Variants in RABL6 observed in about 807,000 individuals in gnomAD.
RABL6 encodes the protein RAB, member RAS oncogene family like 6.
In RABL6, 28 loss-of-function variants were observed where a neutral mutation model predicts 72.9. The observed-to-expected ratio is 0.38, with a 90% CI of 0.28 to 0.53. The LOEUF (loss-of-function observed/expected upper bound fraction) is 0.53. Ranked by LOEUF, RABL6 falls within the 20% of genes least tolerant of loss-of-function variation. RABL6 has a pLI of 0.80. For synonymous variants in RABL6, 477 were observed against 421.2 expected (o/e 1.13, Z -1.62); for missense variants, 1,029 against 1,008.4 (o/e 1.02, Z -0.28).
intron 6 of RABL6, 122 bp from the exon 7 acceptor site, chr9:136,832,143 T>G: frequency 1.0e-6 from 1 of 1,001,108 alleles, no homozygotes; most frequent in Non-Finnish European, 1.5e-6. Flanking sequence ...CAGGGTCCTG[T>G]GGCCTCAGGA....
chr9:136,831,941 G>A, intron 6 of RABL6, 80 bp downstream of exon 6: 1 of 1,501,520 alleles, frequency 6.7e-7, no homozygotes, highest in Non-Finnish European at 8.9e-7. Context: ...CAGAGGCCCA[G>A]GGAGGGGTTA....
Position 136,839,054 on chromosome 9 carries a change from G to A in RABL6, c.1426G>A (p.Glu476Lys), listed in dbSNP as rs769589516. ...CACTCTTTCGAGTGAGGAGGAAGCAGAAGTGGCAGCTCCCACAAAAGGCCC... is the reference window on the plus strand; with the variant it reads ...CACTCTTTCGAGTGAGGAGGAAGCAAAAGTGGCAGCTCCCACAAAAGGCCC... ...DITLSSEEEA[E>K]VAAPTKGPAP... The change falls in exon 11 of 15, where the codon GAA becomes AAA. Residue 476 changes from glutamate to lysine, a missense_variant. This residue lies in a region of RABL6 where 595 missense variants were observed against 472.4 expected (regional missense o/e 1.26). Transcript: ENST00000311502. 3 of 1,612,386 alleles carry A rather than the reference G, an allele frequency of 1.9e-6. No homozygotes were observed. The East Asian group carries it at 6.7e-5, about 36-fold the overall frequency.
chr9:136,839,998 T>C (rs1848659638), intron 13 of RABL6, 133 bp downstream of exon 13: 3 of 1,463,586 alleles, frequency 2.0e-6, no homozygotes, highest in South Asian at 1.2e-5. Context: ...GGCAGCCCCC[T>C]GCAGGAGCTG....
At chr9:136,825,911 A>C in intron 3 of RABL6, 85 bp downstream of exon 3, 1 of 1,473,274 alleles carries the variant, frequency 6.8e-7, no homozygotes. Flanking sequence ...CCCGGCGCCC[A>C]TGCATCACCC....
intron 1 of RABL6, among the ~76,000 whole-genome samples, chr9:136,818,392 A>AG (rs1848168318): frequency 3.2e-5 from 1 of 31,000 alleles, no homozygotes; most frequent in Non-Finnish European, 6.5e-5. Flanking sequence ...AAAAAAAAAA[A>AG]AAAAAAAAAA....
At chr9:136,823,337 G>A (rs1029659761) in intron 1 of RABL6, among the ~76,000 whole-genome samples, 188 bp from the exon 2 acceptor site, 3 of 152,148 alleles carry the variant, frequency 2.0e-5, no homozygotes, top group East Asian at 3.9e-4. Flanking sequence ...GTGTCCTCCT[G>A]ATGGGAGAGG....
intron 1 of RABL6, chr9:136,815,469 G>T: frequency 3.7e-6 from 1 of 269,812 alleles, no homozygotes. Flanking sequence ...TCCTCCTTCT[G>T]CCTCCTTTGG....
chr9:136,808,644 T>G, intron 1 of RABL6: 1 of 157,688 alleles, frequency 6.3e-6, no homozygotes, highest in Non-Finnish European at 1.4e-5. Flanking sequence ...CCGGGGGTGA[T>G]TACATAATGC....
chr9:136,821,212 C>T (rs1848229043), intron 1 of RABL6: 2 of 607,198 alleles, frequency 3.3e-6, no homozygotes, highest in African/African-American at 2.0e-5. Flanking sequence ...GGTTCTGTCC[C>T]GTAGGGTTGA....
intron 1 of RABL6, among the ~76,000 whole-genome samples, chr9:136,818,760 GAAAA>G (rs1233342927): frequency 6.6e-6 from 1 of 151,362 alleles, no homozygotes; most frequent in African/African-American, 2.4e-5. Flanking sequence ...AAAAAGGAAA[GAAAA>G]GGAATAAGCG....
chr9:136,841,071 G>T lies in RABL6; in HGVS notation c.*549G>T, dbSNP rs1398276519. 2 of 1,412,346 alleles carry T rather than the reference G, an allele frequency of 1.4e-6. No individual in the cohort carries two copies. Among genetic ancestry groups the T allele is most frequent in the Non-Finnish European group, 1.8e-6 (2 of 1,084,864 alleles). The allele number at this position is 1,412,346 out of a possible 1,614,324, so 87.5% of individuals were successfully genotyped here. On this transcript the variant is annotated 3_prime_UTR_variant, in exon 15 of 15. Coordinates refer to ENST00000311502, the MANE Select transcript of RABL6 (RefSeq NM_024718.5). ...GAGGCCTCTCCTGGGAGTGGGGGTT[G>T]TGTTTCCCACAGTGGCCTCAGCTGC...
At position 136,840,847 on chromosome 9, in the gene RABL6, T is replaced by A; in HGVS notation, c.*325T>A. On this transcript the variant is annotated 3_prime_UTR_variant, in exon 15 of 15. Coordinates refer to ENST00000311502, the MANE Select transcript of RABL6 (RefSeq NM_024718.5). ...CAGGAGGGACCTGTGAGGGTCTGTT[T>A]ACAGAGGCTGGGCAGGGGCCGCTTG... is the stretch of plus-strand genomic sequence containing the variant. The A allele has an allele frequency of 6.5e-7, 1 of 1,543,920 alleles. No homozygotes were observed. Among genetic ancestry groups the A allele is most frequent in the Non-Finnish European group, 8.7e-7 (1 of 1,144,540 alleles).
chr9:136,819,888 CCTGTCT>C (rs1246496435), intron 1 of RABL6, among the ~76,000 whole-genome samples: 1 of 151,452 alleles, frequency 6.6e-6, no homozygotes, highest in Non-Finnish European at 1.5e-5. Flanking sequence ...AAAGCAAGAC[CCTGTCT>C]CTAAGAAAAA....
chr9:136,817,094 A>G (rs1333565199), intron 1 of RABL6, among the ~76,000 whole-genome samples: 4 of 152,206 alleles, frequency 2.6e-5, no homozygotes, highest in Admixed American at 2.6e-4. Flanking sequence ...ACAGAATGAA[A>G]ACCTCTAGAA....
intron 2 of RABL6, among the ~76,000 whole-genome samples, chr9:136,825,237 A>C (rs890662337): frequency 1.3e-5 from 2 of 152,216 alleles, no homozygotes; most frequent in African/African-American, 4.8e-5. Context: ...CTCAAAGTGA[A>C]CTAGAGGCCA....
intron 1 of RABL6, among the ~76,000 whole-genome samples, chr9:136,817,810 C>G (rs957937020): frequency 8.5e-5 from 13 of 152,120 alleles, no homozygotes; most frequent in Non-Finnish European, 1.9e-4. Context: ...ACTTCTAATT[C>G]CAGCACTTTG....
intron 1 of RABL6, chr9:136,815,115 C>T (rs948465959): frequency 1.0e-4 from 26 of 251,466 alleles, no homozygotes; most frequent in African/African-American, 5.9e-4. Context: ...CCCGCTGCTG[C>T]CTTCATCACT....
intron 7 of RABL6, chr9:136,833,632 C>T: frequency 1.3e-6 from 2 of 1,523,328 alleles, no homozygotes; most frequent in Non-Finnish European, 8.8e-7. Context: ...GTCTGGGGGA[C>T]CTGAACCTCC....
intron 1 of RABL6, chr9:136,809,142 C>G (rs541143895): frequency 6.6e-6 from 1 of 152,440 alleles, no homozygotes; most frequent in African/African-American, 2.4e-5. Flanking sequence ...GGTTTTAGGA[C>G]GCTACGCCTA....
Sources: gnomAD v4.1 joint callset for allele counts (sites outside exome capture counted in the v4.1 genomes callset) on GRCh38, gnomAD v4.1.1 for gene constraint, gnomAD v4.1.1 regional missense constraint, MANE v1.5 for transcripts, NCBI Gene and HGNC (gene_info 2026-07-23, HGNC 2026-07-21) for gene names.